Variants in TUSC3 observed in about 807,000 individuals in gnomAD.
TUSC3 encodes the protein tumor suppressor candidate 3, also known as dolichyl-diphosphooligosaccharide--protein glycosyltransferase subunit TUSC3.
Under a neutral mutation model 44.8 loss-of-function variants are expected in TUSC3, and 45 were observed. The ratio of observed to expected loss-of-function variants is 1.00; its 90% CI spans 0.79 to 1.29. The LOEUF is 1.29. Ranked by LOEUF, TUSC3 falls within the 50% of genes most tolerant of loss-of-function variation. The pLI, the probability that TUSC3 is intolerant of heterozygous loss-of-function variation, is 0.00. For missense variants in TUSC3, 519 were observed against 437.9 expected, an observed-to-expected ratio of 1.19 and a Z score of -1.65; for synonymous variants, 212 against 152.9, an observed-to-expected ratio of 1.39 and a Z score of -2.85.
chr8:15,584,782 A>T (rs900463085), intron 1 of TUSC3, among the ~76,000 whole-genome samples: 2 of 152,178 alleles, frequency 1.3e-5, no homozygotes, highest in Admixed American at 6.5e-5. Context: ...ATCTGAAAGT[A>T]TAGTGAGTTT....
chr8:15,748,753 TC>T, intron 9 of TUSC3: 1 of 571,282 alleles, frequency 1.8e-6, no homozygotes, highest in Non-Finnish European at 3.4e-6. Flanking sequence ...ATTTTTATCT[TC>T]CCTTAGTTTG....
At chr8:15,748,994 CATT>C (rs1486982362) in intron 9 of TUSC3, 3 of 345,616 alleles carry the variant, frequency 8.7e-6, no homozygotes, top group Admixed American at 4.2e-5. Context: ...TCAAAGGCCG[CATT>C]ATTATTACCA....
intron 10 of TUSC3, among the ~76,000 whole-genome samples, chr8:15,762,588 C>T (rs1009041112): frequency 2.0e-5 from 3 of 152,016 alleles, no homozygotes; most frequent in Admixed American, 2.0e-4. Context: ...ACCTTTAGTG[C>T]TCCGTAACTT....
chr8:15,605,921 T>C (rs1804503333), intron 1 of TUSC3, among the ~76,000 whole-genome samples: 1 of 152,060 alleles, frequency 6.6e-6, no homozygotes, highest in Non-Finnish European at 1.5e-5. Flanking sequence ...CAGTAGCCAC[T>C]TAAAATGCCT....
intron 1 of TUSC3, among the ~76,000 whole-genome samples, chr8:15,483,175 A>AT (rs1800685779): frequency 6.6e-6 from 1 of 152,202 alleles, no homozygotes; most frequent in Admixed American, 6.5e-5. Context: ...ATTCTATTAA[A>AT]TTTTTTATAT....
At chr8:15,724,805 A>G (rs1413815150) in intron 6 of TUSC3, among the ~76,000 whole-genome samples, 3 of 152,166 alleles carry the variant, frequency 2.0e-5, no homozygotes, top group Non-Finnish European at 4.4e-5. Context: ...TTTGCATGTC[A>G]TTTCATACTG....
chr8:15,491,437 AT>A (rs1024283330), intron 2 of TUSC3, among the ~76,000 whole-genome samples: 34 of 148,314 alleles, frequency 2.3e-4, no homozygotes, highest in East Asian at 9.8e-4. Flanking sequence ...CAGGATCCCA[AT>A]TTTTTTTTTT....
intron 6 of TUSC3, among the ~76,000 whole-genome samples, chr8:15,677,138 G>T (rs755071638): frequency 2.0e-5 from 3 of 151,974 alleles, no homozygotes; most frequent in Non-Finnish European, 2.9e-5. Flanking sequence ...CTGCCTCAGT[G>T]CCCTAAGTAC....
At chr8:15,566,104 T>A (rs937983688) in intron 1 of TUSC3, among the ~76,000 whole-genome samples, 1 of 152,156 alleles carries the variant, frequency 6.6e-6, no homozygotes, top group African/African-American at 2.4e-5. Context: ...GCCCCTGAAC[T>A]AACTTACTGG....
intron 2 of TUSC3, among the ~76,000 whole-genome samples, chr8:15,629,943 C>A (rs945831441): frequency 6.6e-6 from 1 of 151,954 alleles, no homozygotes; most frequent in African/African-American, 2.4e-5. Flanking sequence ...CATCAAACTC[C>A]TCGGCCAAAT....
chr8:15,666,867 G>C (rs1053029850), intron 5 of TUSC3, among the ~76,000 whole-genome samples: 1 of 151,370 alleles, frequency 6.6e-6, no homozygotes, highest in Non-Finnish European at 1.5e-5. Flanking sequence ...TTTGTGTAAA[G>C]AGTTAGGAAA....
intron 1 of TUSC3, among the ~76,000 whole-genome samples, chr8:15,563,165 A>C (rs1802540125): frequency 6.6e-6 from 1 of 152,138 alleles, no homozygotes; most frequent in Admixed American, 6.6e-5. Flanking sequence ...TTAATATAAG[A>C]CATTTACCAA....
chr8:15,455,399 A>G (rs1291322177), intron 1 of TUSC3, among the ~76,000 whole-genome samples: 6 of 152,046 alleles, frequency 3.9e-5, no homozygotes, highest in African/African-American at 1.4e-4. Flanking sequence ...GTGTATATTT[A>G]TGTATATATA....
chr8:15,678,200 G>C (rs1585220374), intron 6 of TUSC3, among the ~76,000 whole-genome samples: 1 of 152,164 alleles, frequency 6.6e-6, no homozygotes, highest in East Asian at 1.9e-4. Context: ...GCCATTTGCT[G>C]AGTGCTGTTC....
intron 3 of TUSC3, among the ~76,000 whole-genome samples, chr8:15,656,557 G>T (rs1807175125): frequency 6.6e-6 from 1 of 152,152 alleles, no homozygotes; most frequent in East Asian, 1.9e-4. Flanking sequence ...GCACACTGGG[G>T]CAAAGGTTGA....
Position 15,757,950 on chromosome 8 carries a change from A to G in TUSC3, c.*46+95A>G, listed in dbSNP as rs1393751623. 8.0e-6 allele frequency: 12 copies of G among 1,502,150 alleles called. No homozygotes were observed. The Admixed American group carries it at 1.2e-4, about 15-fold the overall frequency. The allele number at this position is 1,502,150 out of a possible 1,614,324, so 93.1% of individuals were successfully genotyped here. A position where few individuals can be genotyped will look rare whatever the true frequency, so the allele number is the denominator to read the frequency against. On this transcript the variant is annotated intron_variant, in intron 10 of 10. Transcript: ENST00000503731. ...CTCATAAGACAAGTTGTAGTAAATT[A>G]CTGTTTTACAAATGTAAGATAACTT...
At chr8:15,432,746 C>T (rs1799886963) in intron 1 of TUSC3, among the ~76,000 whole-genome samples, 2 of 152,004 alleles carry the variant, frequency 1.3e-5, no homozygotes, top group African/African-American at 2.4e-5. Flanking sequence ...TCCCCTCACC[C>T]CGCCCCCACA....
At chr8:15,642,636 G>A (rs187628568) in intron 2 of TUSC3, among the ~76,000 whole-genome samples, 1 of 152,108 alleles carries the variant, frequency 6.6e-6, no homozygotes, top group African/African-American at 2.4e-5. Context: ...AATCCTGCAG[G>A]ATTTAAGATG....
At chr8:15,631,728 C>G (rs1311605623) in intron 2 of TUSC3, among the ~76,000 whole-genome samples, 2 of 151,206 alleles carry the variant, frequency 1.3e-5, no homozygotes, top group East Asian at 1.9e-4. Context: ...GTTTTTAAGA[C>G]ACAGTCTTGC....
Sources: gnomAD v4.1 joint callset for allele counts (sites outside exome capture counted in the v4.1 genomes callset) on GRCh38, gnomAD v4.1.1 for gene constraint, MANE v1.5 for transcripts, NCBI Gene and HGNC (gene_info 2026-07-23, HGNC 2026-07-21) for gene names.